SLC5A9: variants seen among roughly 807,000 people sequenced by gnomAD.
SLC5A9 encodes solute carrier family 5 member 9.
In SLC5A9, 59 loss-of-function variants were observed where a neutral mutation model predicts 70.9. That is an observed-to-expected ratio of 0.83 (90% confidence interval 0.68 to 1.03). SLC5A9 has a LOEUF of 1.03. Ranked by LOEUF, SLC5A9 falls within the 50% of genes least tolerant of loss-of-function variation. The pLI, the probability that SLC5A9 is intolerant of heterozygous loss-of-function variation, is 0.00. For missense variants in SLC5A9, 832 were observed against 881.1 expected, an observed-to-expected ratio of 0.94 and a Z score of 0.71; for synonymous variants, 340 against 346.5, an observed-to-expected ratio of 0.98 and a Z score of 0.21.
chr1:48,243,375 T>A (rs1569866437), intron 13 of SLC5A9, among the ~76,000 whole-genome samples: 1 of 152,156 alleles, frequency 6.6e-6, no homozygotes, highest in South Asian at 2.1e-4. Flanking sequence ...ACATATGGAG[T>A]GCACCCCTGG....
chr1:48,224,805 C>CA lies in SLC5A9; in HGVS notation c.234+10_234+11insA. 1.2e-6 allele frequency: 2 copies of CA among 1,613,640 alleles called. No homozygotes were observed. Among genetic ancestry groups the CA allele is most frequent in the Non-Finnish European group, 1.7e-6 (2 of 1,179,638 alleles). On this transcript the variant is annotated intron_variant, in intron 2 of 13. Coordinates refer to ENST00000438567, the MANE Select transcript of SLC5A9 (RefSeq NM_001011547.3). Reference sequence around the variant, plus strand: ...CATGAGCTGGTGGCCAGTGAGTTGACCCTTCTCAACCACCCCTAGTGCAGA... The same window carrying CA: ...CATGAGCTGGTGGCCAGTGAGTTGACACCTTCTCAACCACCCCTAGTGCAGA...
intron 2 of SLC5A9, chr1:48,228,113 TG>T (rs1399543976): frequency 6.6e-6 from 1 of 152,232 alleles, no homozygotes; most frequent in Non-Finnish European, 1.5e-5. Flanking sequence ...GTAGTGTTAC[TG>T]GAGCCAGACA....
In SLC5A9 at chr1:48,237,679, AGT is replaced by A; in HGVS notation, c.1296_1297del (p.Phe433CysfsTer124). 6.2e-7 allele frequency: 1 copy of A among 1,613,768 alleles called. No individual in the cohort carries two copies. The highest frequency in any genetic ancestry group is 8.5e-7 in the Non-Finnish European group (1 of 1,179,884). On this transcript the variant is annotated frameshift_variant and splice_region_variant, in exon 11 of 14. Coordinates refer to ENST00000438567, the MANE Select transcript of SLC5A9 (RefSeq NM_001011547.3). LOFTEE classifies it high-confidence loss of function. Reference sequence around the variant, plus strand: ...CAGTGCCCTGTGCTCTCTCTGGCAGAGTGTTTGTGGTGTTCCTGGTTGTCATC... The same window carrying A: ...CAGTGCCCTGTGCTCTCTCTGGCAGAGTTTGTGGTGTTCCTGGTTGTCATC... ...TEQELMVVGR[V>X]FVVFLVVISI...
At chr1:48,223,579 G>T (rs1644102034) in intron 1 of SLC5A9, among the ~76,000 whole-genome samples, 1 of 152,156 alleles carries the variant, frequency 6.6e-6, no homozygotes, top group African/African-American at 2.4e-5. Flanking sequence ...ACGGTGCCTG[G>T]TGCCCGATCA....
intron 10 of SLC5A9, among the ~76,000 whole-genome samples, chr1:48,236,235 C>T (rs140489525): frequency 2.6e-5 from 4 of 151,946 alleles, no homozygotes; most frequent in Admixed American, 6.5e-5. Context: ...ATGTTAAGCC[C>T]GGTTAAAAAA....
rs763159768 is a variant in SLC5A9, at chr1:48,235,750, C to G, written c.1163C>G (p.Ala388Gly). 4.3e-6 allele frequency: 7 copies of G among 1,614,190 alleles called. No individual in the cohort carries two copies. The highest frequency in any genetic ancestry group is 5.9e-6 in the Non-Finnish European group (7 of 1,180,038). Reference sequence around the variant, plus strand: ...CCAGGTCTGCGGGGGCTGATGATTGCCGTGATCATGGCCGCTCTCATGAGC... The same window carrying G: ...CCAGGTCTGCGGGGGCTGATGATTGGCGTGATCATGGCCGCTCTCATGAGC... The part of the protein sequence containing the change: ...MPVGLRGLMI[A>G]VIMAALMSSL... The change falls in exon 10 of 14, where the codon GCC (alanine) becomes GGC (glycine). Residue 388 changes from alanine (A) to glycine (G), a missense_variant. Ala to Gly is a moderately conservative substitution (Grantham distance 60). Coordinates refer to ENST00000438567, the MANE Select transcript of SLC5A9 (RefSeq NM_001011547.3).
chr1:48,234,499 G>A (rs183369217), intron 9 of SLC5A9, among the ~76,000 whole-genome samples: 37 of 152,272 alleles, frequency 2.4e-4, no homozygotes, highest in Middle Eastern at 6.8e-3. Context: ...AGTGGTCCAG[G>A]TAGGTGGACC....
chr1:48,245,252 C>T (rs1234755371), intron 13 of SLC5A9, among the ~76,000 whole-genome samples: 1 of 151,868 alleles, frequency 6.6e-6, no homozygotes, highest in Non-Finnish European at 1.5e-5. Context: ...AAAGGAAGTT[C>T]CCAAAGAGAA....
At chr1:48,229,726 T>C (rs1393968978) in intron 4 of SLC5A9, among the ~76,000 whole-genome samples, 1 of 152,224 alleles carries the variant, frequency 6.6e-6, no homozygotes, top group Non-Finnish European at 1.5e-5. Context: ...CATTAATGGA[T>C]TCTTTGTTCA....
chr1:48,238,604 G>A (rs1644357848), intron 11 of SLC5A9: 2 of 152,294 alleles, frequency 1.3e-5, no homozygotes, highest in African/African-American at 4.8e-5. Flanking sequence ...TTGAAAATGA[G>A]GTCATGGAAC....
In SLC5A9 at chr1:48,239,291, C is replaced by T; in HGVS notation, c.1462-31C>T. The stretch of plus-strand genomic sequence containing the variant: ...TTCCTAGGGTCTCCCACCTGGATCT[C>T]ACCTCAGCTCTTGTCTGCCCTCTCT... On this transcript the variant is annotated intron_variant, in intron 11 of 13. Transcript: ENST00000438567. The surrounding 1 kb of genome is among the most constrained non-coding windows in gnomAD (Gnocchi z 4.2). 1 of 1,531,094 alleles carries T rather than the reference C, an allele frequency of 6.5e-7. No individual in the cohort carries two copies. Among genetic ancestry groups the T allele is most frequent in the East Asian group, 2.3e-5 (1 of 44,146 alleles). The allele number at this position is 1,531,094 out of a possible 1,614,324, so 94.8% of individuals were successfully genotyped here. A position where few individuals can be genotyped will look rare whatever the true frequency, so the allele number is the denominator to read the frequency against.
chr1:48,240,128 G>A (rs1025161548), intron 12 of SLC5A9, among the ~76,000 whole-genome samples: 1 of 152,176 alleles, frequency 6.6e-6, no homozygotes, highest in Non-Finnish European at 1.5e-5. Flanking sequence ...ACCACCGATT[G>A]GGTGACTTAA....
At position 48,247,731 on chromosome 1, in the gene SLC5A9, G is replaced by T; in HGVS notation, c.*188G>T. On this transcript the variant is annotated 3_prime_UTR_variant, in exon 14 of 14. Transcript: ENST00000438567. ...GTGGAGAAACAGAAGCCCAGAGAGA[G>T]CACTGGGTTTGTTCAGGACCACCCA... 1.6e-6 allele frequency: 1 copy of T among 628,278 alleles called. No individual in the cohort carries two copies. The highest frequency in any genetic ancestry group is 2.0e-5 in the South Asian group (1 of 50,748). 38.9% of individuals were successfully genotyped at this position (628,278 alleles called of 1,614,324 possible).
At position 48,229,342 on chromosome 1, in the gene SLC5A9, C is replaced by T; in HGVS notation, c.387C>T (p.Tyr129=). Residue 129 remains tyrosine (Y), a synonymous_variant, in exon 4 of 14, where the codon TAC becomes TAT. Coordinates refer to ENST00000438567, the MANE Select transcript of SLC5A9 (RefSeq NM_001011547.3). ...TTGGCTGGGTCTTCGTCCCTGTGTA[C>T]ATCGCAGCAGGTGTGGTCACAATGC... is the stretch of plus-strand genomic sequence containing the variant. ...LALGWVFVPV[Y]IAAGVVTMPQ... The T allele has an allele frequency of 6.2e-7, 1 of 1,614,066 alleles. No homozygotes were observed. The highest frequency in any genetic ancestry group is 8.5e-7 in the Non-Finnish European group (1 of 1,179,926).
At position 48,244,864 on chromosome 1, in the gene SLC5A9, A is replaced by ATG. The variant is rs1303731368; in HGVS notation, c.1837+2250_1837+2251dup. Among the ~76,000 whole-genome samples, 19 of 26,048 alleles carry ATG rather than the reference A, an allele frequency of 7.3e-4. 1 individual carries two copies. In the South Asian group the frequency reaches 0.017, roughly 23 times the overall value. 17.1% of individuals were successfully genotyped at this position (26,048 alleles called of 152,430 possible). On this transcript the variant is annotated intron_variant, in intron 13 of 13. Transcript: ENST00000438567. ...ATATATATAAAACCTGTGTGTGTGT[A>ATG]TGTATGTGTATGTGTATATATATAT...
At chr1:48,240,809 A>G (rs961697770) in intron 12 of SLC5A9, among the ~76,000 whole-genome samples, 1 of 151,960 alleles carries the variant, frequency 6.6e-6, no homozygotes, top group African/African-American at 2.4e-5. Flanking sequence ...CCCAGCCTCC[A>G]CTTCCCACCT....
intron 12 of SLC5A9, 180 bp from the exon 13 acceptor site, chr1:48,242,277 G>T (rs972872416): frequency 1.5e-6 from 1 of 677,052 alleles, no homozygotes; most frequent in East Asian, 2.6e-5. Context: ...AGCAGGAATT[G>T]CTCATATTTG....
intron 13 of SLC5A9, among the ~76,000 whole-genome samples, chr1:48,246,510 T>C (rs1644461576): frequency 6.6e-6 from 1 of 152,220 alleles, no homozygotes; most frequent in African/African-American, 2.4e-5. Context: ...TGTAATATAA[T>C]GTCTGCTGAT....
intron 13 of SLC5A9, among the ~76,000 whole-genome samples, chr1:48,243,961 A>G (rs1258625491): frequency 2.0e-5 from 3 of 152,228 alleles, no homozygotes; most frequent in Non-Finnish European, 4.4e-5. Flanking sequence ...TCTTGGAGGC[A>G]AACAGGTAGT....
Sources: gnomAD v4.1 joint callset for allele counts (sites outside exome capture counted in the v4.1 genomes callset) on GRCh38, gnomAD v4.1.1 for gene constraint, Gnocchi (gnomAD v3.1) non-coding constraint, MANE v1.5 for transcripts, NCBI Gene and HGNC (gene_info 2026-07-23, HGNC 2026-07-21) for gene names.